Variants in PGAP4 observed in about 807,000 individuals in gnomAD.
PGAP4 encodes GPI-N-acetylgalactosamine transferase PGAP4.
Under a neutral mutation model 28.2 loss-of-function variants are expected in PGAP4, and 12 were observed. That is an observed-to-expected ratio of 0.42 (90% confidence interval 0.27 to 0.69). The LOEUF (loss-of-function observed/expected upper bound fraction) is 0.69. Ranked by LOEUF, PGAP4 falls within the 30% of genes least tolerant of loss-of-function variation. PGAP4 has a pLI of 0.22. For missense variants in PGAP4, 425 were observed against 513.5 expected (o/e 0.83, Z 1.67); for synonymous variants, 205 against 211.8 (o/e 0.97, Z 0.28).
intron 2 of PGAP4, among the ~76,000 whole-genome samples, chr9:101,521,619 G>C (rs1826988794): frequency 6.6e-6 from 1 of 151,944 alleles, no homozygotes. Flanking sequence ...GGTTATTCTT[G>C]CCAATGGTCT....
rs1260803704 is a variant in PGAP4, at chr9:101,476,086, G to A, written c.1007C>T (p.Ala336Val). The change falls in exon 2 of 2, where the codon GCC becomes GTC. Residue 336 changes from alanine (A) to valine (V), a missense_variant. Transcript: ENST00000374848. The surrounding 1 kb of genome is among the most constrained non-coding windows in gnomAD (Gnocchi z 7.0). Reference protein sequence around the residue: ...VVPASQCCTPAMLFPAPAARR... With the variant: ...VVPASQCCTPVMLFPAPAARR... ...GGCCGCAGGTGCCGGGAAGAGCATG[G>A]CTGGGGTGCAACACTGAGAGGCAGG... 6.2e-7 allele frequency: 1 copy of A among 1,614,064 alleles called. No homozygotes were observed. The highest frequency in any genetic ancestry group is 8.5e-7 in the Non-Finnish European group (1 of 1,180,042).
At chr9:101,491,495 C>T (rs192485082), upstream of PGAP4, among the ~76,000 whole-genome samples, 21 of 152,042 alleles carry the variant, frequency 1.4e-4, no homozygotes, top group East Asian at 4.1e-3. Context: ...CTGACATGGC[C>T]ATTTTGTACA....
chr9:101,493,732 C>G (rs1224368022), intron 2 of PGAP4, among the ~76,000 whole-genome samples: 5 of 152,124 alleles, frequency 3.3e-5, no homozygotes, highest in Non-Finnish European at 7.4e-5. Context: ...TTGAATGTCT[C>G]TGGTCATGAC....
intron 2 of PGAP4, among the ~76,000 whole-genome samples, chr9:101,514,928 T>C (rs946554511): frequency 1.3e-5 from 2 of 152,196 alleles, no homozygotes; most frequent in Non-Finnish European, 2.9e-5. Context: ...CAACTGGCTC[T>C]AAGTTTCTGC....
chr9:101,508,999 CAGTT>C (rs762535846), intron 2 of PGAP4, among the ~76,000 whole-genome samples: 10 of 152,168 alleles, frequency 6.6e-5, no homozygotes, highest in Non-Finnish European at 1.5e-4. Context: ...TCCACCTTGA[CAGTT>C]AGGATTTGAA....
At chr9:101,504,521 CT>C (rs1285478019) in intron 2 of PGAP4, among the ~76,000 whole-genome samples, 1 of 151,970 alleles carries the variant, frequency 6.6e-6, no homozygotes, top group Non-Finnish European at 1.5e-5. Flanking sequence ...TCATGAGCAA[CT>C]TTCTCTCTCT....
intron 2 of PGAP4, among the ~76,000 whole-genome samples, chr9:101,517,153 T>C (rs1184292922): frequency 1.3e-5 from 2 of 152,136 alleles, no homozygotes; most frequent in Non-Finnish European, 2.9e-5. Flanking sequence ...GGACTGTTTG[T>C]ATATAAGATT....
chr9:101,510,467 G>A (rs1221578824), intron 2 of PGAP4, among the ~76,000 whole-genome samples: 1 of 152,066 alleles, frequency 6.6e-6, no homozygotes, highest in South Asian at 2.1e-4. Context: ...AGTTTTGAAG[G>A]TTTCATGGCT....
chr9:101,499,366 T>C (rs1826778377), intron 2 of PGAP4, among the ~76,000 whole-genome samples: 3 of 151,900 alleles, frequency 2.0e-5, no homozygotes, highest in African/African-American at 4.8e-5. Flanking sequence ...ATCCCACTTC[T>C]GATATCATAT....
upstream of PGAP4, among the ~76,000 whole-genome samples, chr9:101,487,781 A>G (rs1272928440): frequency 2.6e-5 from 4 of 152,342 alleles, no homozygotes; most frequent in Non-Finnish European, 2.9e-5. Context: ...CATGGTTAAA[A>G]ATGGAAGAAT....
intron 1 of PGAP4, among the ~76,000 whole-genome samples, chr9:101,477,943 A>C (rs1826375539): frequency 6.6e-6 from 1 of 152,102 alleles, no homozygotes; most frequent in African/African-American, 2.4e-5. Flanking sequence ...GCAGAGGTGA[A>C]TATGGAAGAG....
At chr9:101,521,976 C>G (rs1826992514) in intron 2 of PGAP4, among the ~76,000 whole-genome samples, 1 of 152,090 alleles carries the variant, frequency 6.6e-6, no homozygotes. Flanking sequence ...TGACCCAATG[C>G]TCATTCAGGG....
At chr9:101,477,778 T>C (rs1041387223) in intron 1 of PGAP4, among the ~76,000 whole-genome samples, 5 of 152,234 alleles carry the variant, frequency 3.3e-5, no homozygotes, top group African/African-American at 9.6e-5. Context: ...TAATCCTGAT[T>C]GTTCTCCCAT....
intron 2 of PGAP4, among the ~76,000 whole-genome samples, chr9:101,525,923 T>C (rs985221515): frequency 3.3e-5 from 5 of 152,326 alleles, no homozygotes; most frequent in East Asian, 1.9e-4. Context: ...AATAATGCTA[T>C]GTTAAACATT....
At chr9:101,487,798 G>T (rs1031278831), upstream of PGAP4, among the ~76,000 whole-genome samples, 5 of 152,142 alleles carry the variant, frequency 3.3e-5, no homozygotes, top group Non-Finnish European at 5.9e-5. Context: ...GAATATTTCA[G>T]GGCTACGAAA....
intron 1 of PGAP4, among the ~76,000 whole-genome samples, chr9:101,481,170 C>A (rs1350582870): frequency 6.6e-6 from 1 of 152,072 alleles, no homozygotes; most frequent in Non-Finnish European, 1.5e-5. Context: ...AGAGAAAAAC[C>A]CTGTCTCAAA....
At chr9:101,483,683 A>G (rs1376560811) in intron 1 of PGAP4, among the ~76,000 whole-genome samples, 1 of 152,120 alleles carries the variant, frequency 6.6e-6, no homozygotes, top group African/African-American at 2.4e-5. Context: ...ATCTGTATCT[A>G]TATTATCTAT....
In PGAP4 at chr9:101,486,887, T is replaced by G. The variant is rs1300487840; in HGVS notation, c.-78+62A>C. ...CCTAATCCTTGTCCCCTCGCTCTAG[T>G]GTCCAGGGCTCCGACCACCGCGCCA... is the stretch of plus-strand genomic sequence containing the variant. On this transcript the variant is annotated intron_variant, in intron 1 of 1. Transcript: ENST00000374848. This position sits in a 1 kb window ranked among gnomAD's most constrained non-coding sequence, Gnocchi z 4.7. The G allele has an allele frequency of 2.0e-5, 3 of 152,570 alleles. No homozygotes were observed. Among genetic ancestry groups the G allele is most frequent in the African/African-American group, 7.2e-5 (3 of 41,468 alleles). 9.5% of individuals were successfully genotyped at this position (152,570 alleles called of 1,614,324 possible).
chr9:101,505,895 A>G (rs1564099748), intron 2 of PGAP4, among the ~76,000 whole-genome samples: 1 of 152,200 alleles, frequency 6.6e-6, no homozygotes, highest in Non-Finnish European at 1.5e-5. Context: ...TTATAGCTGA[A>G]TATTTTGAAA....
Sources: gnomAD v4.1 joint callset for allele counts (sites outside exome capture counted in the v4.1 genomes callset) on GRCh38, gnomAD v4.1.1 for gene constraint, Gnocchi (gnomAD v3.1) non-coding constraint, MANE v1.5 for transcripts, NCBI Gene and HGNC (gene_info 2026-07-23, HGNC 2026-07-21) for gene names.